The following PSD3 variants were observed in gnomAD, a reference collection of about 807,000 sequenced individuals.
PSD3 encodes pleckstrin and Sec7 domain containing 3.
PSD3 carries 49 observed loss-of-function variants against 105.5 expected under a neutral mutation model. The ratio of observed to expected loss-of-function variants is 0.46; its 90% CI spans 0.37 to 0.59. The LOEUF is 0.59. PSD3 is among the 20% of genes least tolerant of loss of function. PSD3 has a pLI of 0.00. For synonymous variants in PSD3, 557 were observed against 457.8 expected (o/e 1.22, Z -2.77); for missense variants, 1,561 against 1,263.8 (o/e 1.24, Z -3.57).
intron 9 of PSD3, chr8:18,763,047 T>C: frequency 3.7e-6 from 2 of 541,752 alleles, no homozygotes; most frequent in Non-Finnish European, 6.5e-6. Flanking sequence ...ACAGCAGACC[T>C]TTAATAAATG....
intron 4 of PSD3, among the ~76,000 whole-genome samples, chr8:18,864,255 G>C (rs1020101334): frequency 6.6e-6 from 1 of 152,224 alleles, no homozygotes; most frequent in Non-Finnish European, 1.5e-5. Flanking sequence ...TTCGAGGGCT[G>C]AGTATGCCAC....
intron 1 of PSD3, among the ~76,000 whole-genome samples, chr8:18,942,266 C>G (rs1822594009): frequency 6.6e-6 from 1 of 152,144 alleles, no homozygotes; most frequent in South Asian, 2.1e-4. Context: ...AAATTAAAGA[C>G]TATAAAATAA....
At chr8:18,567,123 T>C (rs1489102389) in intron 14 of PSD3, among the ~76,000 whole-genome samples, 2 of 152,216 alleles carry the variant, frequency 1.3e-5, no homozygotes, top group Non-Finnish European at 2.9e-5. Context: ...ATGAATGACA[T>C]GCTTATTATC....
Position 18,914,199 on chromosome 8 carries a change from GA to G in PSD3, c.130+21834del, listed in dbSNP as rs60489138. Reference sequence around the variant, plus strand: ...AAATTCAACACCCTTTCATGATAAAGAAAAAAAAAAAAAACACCTTTCAACA... The same window carrying G: ...AAATTCAACACCCTTTCATGATAAAGAAAAAAAAAAAAACACCTTTCAACA... On this transcript the variant is annotated intron_variant, in intron 2 of 15. Transcript: ENST00000327040. Among the ~76,000 whole-genome samples the G allele has an allele frequency of 6.7e-4, 92 of 138,136 alleles. 1 individual carries two copies. Among genetic ancestry groups the G allele is most frequent in the South Asian group, 2.1e-3 (9 of 4,330 alleles). 90.6% of individuals were successfully genotyped at this position (138,136 alleles called of 152,430 possible).
intron 1 of PSD3, among the ~76,000 whole-genome samples, chr8:19,006,641 A>G (rs1826696276): frequency 6.6e-6 from 1 of 152,070 alleles, no homozygotes; most frequent in Non-Finnish European, 1.5e-5. Context: ...GTATTTGGGG[A>G]TAAAGAGTAA....
rs190564061 is a variant in PSD3, at chr8:18,745,058, G to A, written c.2172+20391C>T. Among the ~76,000 whole-genome samples the A allele has an allele frequency of 4.3e-3, 658 of 152,316 alleles. 2 individuals carry two copies. The highest frequency in any genetic ancestry group is 0.01 in the Middle Eastern group (3 of 294). On this transcript the variant is annotated intron_variant, in intron 9 of 15. Coordinates refer to ENST00000327040, the MANE Select transcript of PSD3 (RefSeq NM_015310.4). ...TGTTATCTTCTCCTTTAGAGCATCA[G>A]AGGCTTCATGATGTTGAGATGCCTT...
At chr8:18,866,779 CTTTTTT>C (rs76054573) in intron 4 of PSD3, among the ~76,000 whole-genome samples, 1 of 142,594 alleles carries the variant, frequency 7.0e-6, no homozygotes, top group Admixed American at 7.0e-5. Context: ...TTAATACTGG[CTTTTTT>C]TTTTTTTAAC....
chr8:18,831,931 G>C (rs1015700472), intron 4 of PSD3, among the ~76,000 whole-genome samples: 1 of 152,052 alleles, frequency 6.6e-6, no homozygotes. Context: ...GGGAAGAAAG[G>C]TAAGTTTACT....
At chr8:18,953,639 C>G (rs1392225740) in intron 1 of PSD3, among the ~76,000 whole-genome samples, 1 of 151,992 alleles carries the variant, frequency 6.6e-6, no homozygotes, top group South Asian at 2.1e-4. Context: ...ATCCCAGCTA[C>G]TCGGGAGGCT....
chr8:18,799,311 G>T lies in PSD3; in HGVS notation c.2066C>A (p.Thr689Asn), dbSNP rs762025838. 3.1e-6 allele frequency: 5 copies of T among 1,607,288 alleles called. No individual in the cohort carries two copies. In the East Asian group the frequency reaches 8.9e-5, roughly 29 times the overall value. ...CACACTTACGTGGCCATGTAGATCG[G>T]TATTAAGAAGCATTATTGCACAGGT... ...CLTCAIMLLN[T>N]DLHGHNIGKK... Residue 689 changes from threonine to asparagine, a missense_variant, in exon 8 of 16, where the codon ACC (threonine) becomes AAC (asparagine). Transcript: ENST00000327040.
intron 4 of PSD3, among the ~76,000 whole-genome samples, chr8:18,847,920 A>G (rs1455939186): frequency 6.6e-6 from 1 of 152,210 alleles, no homozygotes; most frequent in Non-Finnish European, 1.5e-5. Context: ...TGCAGAAACA[A>G]TCGGGGAGAC....
chr8:18,748,025 G>A (rs1047592645), intron 9 of PSD3, among the ~76,000 whole-genome samples: 1 of 152,060 alleles, frequency 6.6e-6, no homozygotes, highest in African/African-American at 2.4e-5. Context: ...AGTCACCAAA[G>A]GCAAGTGAAA....
intron 15 of PSD3, among the ~76,000 whole-genome samples, chr8:18,551,572 A>T (rs187838420): frequency 2.5e-4 from 38 of 152,280 alleles, no homozygotes; most frequent in African/African-American, 9.1e-4. Flanking sequence ...GTTATAGTGG[A>T]CATTTGTTGT....
intron 9 of PSD3, chr8:18,684,030 C>G (rs1800522749): frequency 3.0e-6 from 2 of 660,806 alleles, no homozygotes; most frequent in African/African-American, 1.8e-5. Flanking sequence ...GGGGTTGTGC[C>G]TGAGCAGCTC....
At chr8:18,552,573 G>T (rs1285967992) in intron 15 of PSD3, among the ~76,000 whole-genome samples, 1 of 152,110 alleles carries the variant, frequency 6.6e-6, no homozygotes, top group East Asian at 1.9e-4. Flanking sequence ...ACAAAACATC[G>T]ATCTGCCCCA....
At chr8:18,684,524 A>C (rs1800558409) in intron 9 of PSD3, among the ~76,000 whole-genome samples, 1 of 152,204 alleles carries the variant, frequency 6.6e-6, no homozygotes, top group Non-Finnish European at 1.5e-5. Context: ...GATGCGAGAC[A>C]CAAAGGCATC....
At chr8:18,799,174 C>T (rs1810462251) in intron 8 of PSD3, 121 bp downstream of exon 8, 1 of 837,490 alleles carries the variant, frequency 1.2e-6, no homozygotes, top group Admixed American at 2.2e-5. Flanking sequence ...TTTTTATTCA[C>T]CTGCCATGGG....
chr8:18,635,759 T>A (rs1311626790), intron 10 of PSD3, among the ~76,000 whole-genome samples: 1 of 151,980 alleles, frequency 6.6e-6, no homozygotes, highest in East Asian at 1.9e-4. Flanking sequence ...CTGGAAACCA[T>A]CATTCTCAGC....
At position 18,531,001 on chromosome 8, in the gene PSD3, T is replaced by C. The variant is rs182385717; in HGVS notation, c.*4742A>G. On this transcript the variant is annotated 3_prime_UTR_variant, in exon 16 of 16. Coordinates refer to ENST00000327040, the MANE Select transcript of PSD3 (RefSeq NM_015310.4). Reference sequence around the variant, plus strand: ...AGGACAAAAATAATTTTGATGTACATGTACCATACACTGATATGCAATCTA... The same window carrying C: ...AGGACAAAAATAATTTTGATGTACACGTACCATACACTGATATGCAATCTA... 5.7e-4 allele frequency: 86 copies of C among 151,758 alleles called. 1 individual carries two copies. Among genetic ancestry groups the C allele is most frequent in the African/African-American group, 1.7e-3 (70 of 41,314 alleles). 9.4% of individuals were successfully genotyped at this position (151,758 alleles called of 1,614,324 possible). A position where few individuals can be genotyped will look rare whatever the true frequency, so the allele number is the denominator to read the frequency against.
Sources: allele counts gnomAD v4.1 joint callset (sites outside exome capture counted in the v4.1 genomes callset), GRCh38; gene constraint gnomAD v4.1.1; transcripts MANE v1.5; gene names NCBI Gene and HGNC (gene_info 2026-07-23, HGNC 2026-07-21).